The following PTCHD4 variants were observed in gnomAD, a reference collection of about 807,000 sequenced individuals.
PTCHD4 encodes the protein patched domain containing 4.
Under a neutral mutation model 58.1 loss-of-function variants are expected in PTCHD4, and 33 were observed. That is an observed-to-expected ratio of 0.57 (90% CI 0.43 to 0.76). The LOEUF (loss-of-function observed/expected upper bound fraction) is 0.76, where lower values mean the gene tolerates loss of function less well. Ranked by LOEUF, PTCHD4 falls within the 30% of genes least tolerant of loss-of-function variation. PTCHD4 has a pLI of 0.00. For missense variants in PTCHD4, 1,058 were observed against 1,027.1 expected, an observed-to-expected ratio of 1.03 and a Z score of -0.41; for synonymous variants, 478 against 409.6, an observed-to-expected ratio of 1.17 and a Z score of -2.02.
intron 4 of PTCHD4, among the ~76,000 whole-genome samples, chr6:47,924,530 G>A (rs947038635): frequency 1.3e-5 from 2 of 152,004 alleles, no homozygotes; most frequent in Non-Finnish European, 2.9e-5. Context: ...GTGAGTCTCA[G>A]TTATCTCATT....
rs1028818189 is a variant in PTCHD4, at chr6:47,869,468, G to A, written c.*8835C>T. 2.0e-5 allele frequency among the ~76,000 whole-genome samples: 3 copies of A among 151,770 alleles called. No individual in the cohort carries two copies. The highest frequency in any genetic ancestry group is 6.6e-5 in the Admixed American group (1 of 15,192). ...ATTTTAGGTAGAATTTATTTGACCC[G>A]ATTATAAATTGCTGTAGATTTGAAG... On this transcript the variant is annotated 3_prime_UTR_variant, in exon 5 of 5. Coordinates refer to ENST00000339488, the MANE Select transcript of PTCHD4 (RefSeq NM_001384253.1).
chr6:48,022,383 A>T (rs1433339287), intron 3 of PTCHD4, among the ~76,000 whole-genome samples: 1 of 152,046 alleles, frequency 6.6e-6, no homozygotes, highest in Non-Finnish European at 1.5e-5. Context: ...TCTTTGCTAA[A>T]TTACCTTTTA....
intron 4 of PTCHD4, among the ~76,000 whole-genome samples, chr6:47,969,336 G>A (rs1430271432): frequency 2.0e-5 from 3 of 152,184 alleles, no homozygotes; most frequent in Non-Finnish European, 4.4e-5. Context: ...TATCAAGCGT[G>A]CATTTACTTG....
intron 3 of PTCHD4, among the ~76,000 whole-genome samples, chr6:48,013,144 G>T (rs1762742919): frequency 1.3e-5 from 2 of 152,064 alleles, no homozygotes; most frequent in South Asian, 4.1e-4. Context: ...GTTTCAGAAG[G>T]AATGGTACCA....
intron 3 of PTCHD4, among the ~76,000 whole-genome samples, chr6:48,018,896 C>T (rs1762959511): frequency 6.6e-6 from 1 of 152,096 alleles, no homozygotes; most frequent in Admixed American, 6.6e-5. Flanking sequence ...GTATAATGTC[C>T]CCCTTCAGTA....
intron 3 of PTCHD4, among the ~76,000 whole-genome samples, chr6:48,045,983 C>T (rs1562024788): frequency 6.6e-6 from 1 of 151,676 alleles, no homozygotes; most frequent in Non-Finnish European, 1.5e-5. Context: ...TTAACACTTG[C>T]CATGTCTTGG....
In PTCHD4 at chr6:48,103,944, G is replaced by T. The variant is rs532397802; in HGVS notation, c.-970+7105C>A. On this transcript the variant is annotated intron_variant, in intron 1 of 4. Coordinates refer to ENST00000339488, the MANE Select transcript of PTCHD4 (RefSeq NM_001384253.1). ...CAAACAAAGCCTCCAAGAAATATGGGACTATGTGAAAAGACCAAATCTACG... is the reference window on the plus strand; with the variant it reads ...CAAACAAAGCCTCCAAGAAATATGGTACTATGTGAAAAGACCAAATCTACG... 5.9e-5 allele frequency among the ~76,000 whole-genome samples: 9 copies of T among 152,214 alleles called. 1 individual carries two copies. Among genetic ancestry groups the T allele is most frequent in the African/African-American group, 2.2e-4 (9 of 41,448 alleles).
At position 47,870,488 on chromosome 6, in the gene PTCHD4, A is replaced by G. The variant is rs1194006260; in HGVS notation, c.*7815T>C. On this transcript the variant is annotated 3_prime_UTR_variant, in exon 5 of 5. Transcript: ENST00000339488. ...TTTGTTCTTTATTTGTTTCTATTATAGTTAAGAAAAACCTGTTTTGCAAAA... is the reference window on the plus strand; with the variant it reads ...TTTGTTCTTTATTTGTTTCTATTATGGTTAAGAAAAACCTGTTTTGCAAAA... Among the ~76,000 whole-genome samples, 5 of 151,662 alleles carry G rather than the reference A, an allele frequency of 3.3e-5. No homozygotes were observed. The highest frequency in any genetic ancestry group is 1.2e-4 in the African/African-American group (5 of 41,382).
At chr6:47,962,353 C>A (rs569355244) in intron 4 of PTCHD4, among the ~76,000 whole-genome samples, 2 of 152,264 alleles carry the variant, frequency 1.3e-5, no homozygotes, top group South Asian at 2.1e-4. Context: ...AGTCACAAGT[C>A]AACCTGCAGA....
intron 1 of PTCHD4, among the ~76,000 whole-genome samples, chr6:48,071,781 C>T (rs780142102): frequency 1.6e-4 from 25 of 152,130 alleles, no homozygotes; most frequent in Non-Finnish European, 3.4e-4. Flanking sequence ...TGTCTTGTCT[C>T]TTTAAGACCC....
Position 47,861,128 on chromosome 6 carries a change from A to G in PTCHD4, c.*17175T>C, listed in dbSNP as rs1468836958. 6.6e-6 allele frequency among the ~76,000 whole-genome samples: 1 copy of G among 151,906 alleles called. No individual in the cohort carries two copies. The highest frequency in any genetic ancestry group is 1.5e-5 in the Non-Finnish European group (1 of 67,914). ...TTGGAACTTGGCGTGAAGAAGGGCAAGATTGTTTTTCTCCATCTGTAGATG... is the reference window on the plus strand; with the variant it reads ...TTGGAACTTGGCGTGAAGAAGGGCAGGATTGTTTTTCTCCATCTGTAGATG... On this transcript the variant is annotated 3_prime_UTR_variant, in exon 5 of 5. Coordinates refer to ENST00000339488, the MANE Select transcript of PTCHD4 (RefSeq NM_001384253.1).
rs1763523780 is a variant in PTCHD4 at position 47,865,074 on chromosome 6, G to T, written c.*13229C>A. 1.3e-5 allele frequency among the ~76,000 whole-genome samples: 2 copies of T among 151,714 alleles called. No individual in the cohort carries two copies. The highest frequency in any genetic ancestry group is 2.4e-5 in the African/African-American group (1 of 41,344). ...TCCCTGAAATGCAAATAAATCTCAA[G>T]AATTATTTGCTAATTAAATTGATGT... On this transcript the variant is annotated 3_prime_UTR_variant, in exon 5 of 5. Transcript: ENST00000339488.
intron 3 of PTCHD4, among the ~76,000 whole-genome samples, chr6:48,059,441 C>T (rs572720257): frequency 1.3e-5 from 2 of 152,046 alleles, no homozygotes; most frequent in Non-Finnish European, 2.9e-5. Flanking sequence ...GAAATACACA[C>T]CATCCTGGGC....
chr6:47,871,019 C>T lies in PTCHD4; in HGVS notation c.*7284G>A, dbSNP rs868086303. 1.3e-5 allele frequency among the ~76,000 whole-genome samples: 2 copies of T among 151,572 alleles called. No individual in the cohort carries two copies. Among genetic ancestry groups the T allele is most frequent in the Non-Finnish European group, 3.0e-5 (2 of 67,676 alleles). ...TACATCAAAGTTTCATAATTTCATA[C>T]ATTTAGTCACCCTTCTTTGCTGTAG... On this transcript the variant is annotated 3_prime_UTR_variant, in exon 5 of 5. Transcript: ENST00000339488.
At chr6:48,102,559 G>A (rs2113913791) in intron 1 of PTCHD4, among the ~76,000 whole-genome samples, 1 of 152,320 alleles carries the variant, frequency 6.6e-6, no homozygotes, top group Non-Finnish European at 1.5e-5. Context: ...GGTGATTTCT[G>A]CATTTCCAAC....
At chr6:47,899,596 G>T (rs1723201982) in intron 4 of PTCHD4, 7 of 981,614 alleles carry the variant, frequency 7.1e-6, no homozygotes, top group Middle Eastern at 5.2e-4. Context: ...GAAATGGAAA[G>T]TGAACCCCTT....
At chr6:47,985,255 A>G (rs894056275) in intron 4 of PTCHD4, among the ~76,000 whole-genome samples, 1 of 152,092 alleles carries the variant, frequency 6.6e-6, no homozygotes, top group Admixed American at 6.6e-5. Flanking sequence ...TCTATGCCTT[A>G]AATAAATATT....
At chr6:47,925,716 C>A (rs1765589518) in intron 4 of PTCHD4, among the ~76,000 whole-genome samples, 4 of 152,198 alleles carry the variant, frequency 2.6e-5, no homozygotes, top group African/African-American at 9.6e-5. Context: ...TTTAGTTATT[C>A]TTTGCTTCCC....
intron 4 of PTCHD4, among the ~76,000 whole-genome samples, chr6:47,951,303 G>T (rs1448943309): frequency 6.6e-6 from 1 of 152,138 alleles, no homozygotes; most frequent in African/African-American, 2.4e-5. Flanking sequence ...GCCCAAAGGG[G>T]CATTGGGAGA....
Sources: gnomAD v4.1 joint callset for allele counts (sites outside exome capture counted in the v4.1 genomes callset) on GRCh38, gnomAD v4.1.1 for gene constraint, MANE v1.5 for transcripts, NCBI Gene and HGNC (gene_info 2026-07-23, HGNC 2026-07-21) for gene names.